COL23A1: variants seen among roughly 807,000 people sequenced by gnomAD.
COL23A1 encodes the protein collagen type XXIII alpha 1 chain, also known as collagen alpha-1(XXIII) chain.
Under a neutral mutation model 99.3 loss-of-function variants are expected in COL23A1, and 97 were observed. The ratio of observed to expected loss-of-function variants is 0.98; its 90% CI spans 0.83 to 1.16. The LOEUF (loss-of-function observed/expected upper bound fraction) is 1.16. Among genes scored for constraint, COL23A1 ranks in the 50% most tolerant of loss-of-function variants. The pLI is 0.00. For synonymous variants in COL23A1, 320 were observed against 308.2 expected (o/e 1.04, Z -0.40); for missense variants, 762 against 757.4 (o/e 1.01, Z -0.07).
intron 2 of COL23A1, among the ~76,000 whole-genome samples, chr5:178,411,745 C>T (rs1437346508): frequency 6.6e-6 from 1 of 152,208 alleles, no homozygotes; most frequent in Non-Finnish European, 1.5e-5. Flanking sequence ...TTATTAAATG[C>T]TACTGAGTTG....
At chr5:178,416,191 T>G (rs533096085) in intron 2 of COL23A1, among the ~76,000 whole-genome samples, 6 of 152,126 alleles carry the variant, frequency 3.9e-5, no homozygotes, top group Non-Finnish European at 7.4e-5. Flanking sequence ...CAGGTTGTTG[T>G]ACATCTGGAT....
intron 2 of COL23A1, among the ~76,000 whole-genome samples, chr5:178,448,593 C>T (rs943392516): frequency 2.6e-5 from 4 of 152,292 alleles, no homozygotes; most frequent in African/African-American, 7.2e-5. Flanking sequence ...ATAAGCTGGT[C>T]GAAGGCATTA....
intron 2 of COL23A1, among the ~76,000 whole-genome samples, chr5:178,543,689 C>T (rs1003128583): frequency 3.3e-5 from 5 of 152,158 alleles, no homozygotes; most frequent in African/African-American, 9.7e-5. Context: ...TCCTCCATCA[C>T]CTCCACCTTC....
intron 2 of COL23A1, among the ~76,000 whole-genome samples, chr5:178,548,475 C>T (rs1327855928): frequency 6.6e-6 from 1 of 152,098 alleles, no homozygotes; most frequent in Non-Finnish European, 1.5e-5. Context: ...TTCCCTCTCC[C>T]TTGCTCCCCC....
intron 22 of COL23A1, 146 bp downstream of exon 22, chr5:178,247,379 TG>T: frequency 1.2e-6 from 1 of 842,968 alleles, no homozygotes; most frequent in Non-Finnish European, 1.9e-6. Flanking sequence ...GGTTATGCCC[TG>T]GGGACTTGGG....
At chr5:178,357,150 A>C (rs1761702700) in intron 2 of COL23A1, among the ~76,000 whole-genome samples, 1 of 152,236 alleles carries the variant, frequency 6.6e-6, no homozygotes, top group Non-Finnish European at 1.5e-5. Context: ...AATTGCATTA[A>C]GCACGGGTTC....
At chr5:178,558,118 AG>A (rs1019985124) in intron 2 of COL23A1, among the ~76,000 whole-genome samples, 1 of 151,390 alleles carries the variant, frequency 6.6e-6, no homozygotes, top group African/African-American at 2.4e-5. Context: ...CCAGCCCTTC[AG>A]TCCCCCATGG....
At position 178,434,601 on chromosome 5, in the gene COL23A1, C is replaced by T. The variant is rs573616175; in HGVS notation, c.361+126081G>A. ...CGCTCTTCCTGGGACCCCAGCTGGGCGCCTGGCCTTGCATCCCAGGTGGGT... is the reference window on the plus strand; with the variant it reads ...CGCTCTTCCTGGGACCCCAGCTGGGTGCCTGGCCTTGCATCCCAGGTGGGT... On this transcript the variant is annotated intron_variant, in intron 2 of 28. Transcript: ENST00000390654. This position sits in a 1 kb window ranked among gnomAD's most constrained non-coding sequence, Gnocchi z 4.3. Among the ~76,000 whole-genome samples the T allele has an allele frequency of 3.9e-4, 59 of 152,346 alleles. No individual in the cohort carries two copies. In the Middle Eastern group the frequency reaches 0.01, roughly 26 times the overall value.
At chr5:178,533,969 G>A (rs1760795089) in intron 2 of COL23A1, among the ~76,000 whole-genome samples, 1 of 152,210 alleles carries the variant, frequency 6.6e-6, no homozygotes, top group Non-Finnish European at 1.5e-5. Context: ...GTTTGGTCCA[G>A]TATCAGCAAA....
At chr5:178,278,923 C>T (rs558256120) in intron 5 of COL23A1, among the ~76,000 whole-genome samples, 1 of 152,320 alleles carries the variant, frequency 6.6e-6, no homozygotes, top group South Asian at 2.1e-4. Context: ...GTAAATGAAG[C>T]CAGGGAACAG....
intron 6 of COL23A1, 107 bp downstream of exon 6, chr5:178,270,230 G>C: frequency 7.4e-7 from 1 of 1,353,176 alleles, no homozygotes; most frequent in Admixed American, 1.8e-5. Context: ...TCTCTGTGCT[G>C]AACCAAGTTC....
intron 1 of COL23A1, among the ~76,000 whole-genome samples, chr5:178,567,382 G>T (rs1762887759): frequency 6.6e-6 from 1 of 152,184 alleles, no homozygotes; most frequent in Non-Finnish European, 1.5e-5. Flanking sequence ...GTCTTACAGT[G>T]CCCGAAAGTA....
intron 2 of COL23A1, among the ~76,000 whole-genome samples, chr5:178,486,662 C>G (rs1236834018): frequency 6.6e-6 from 1 of 151,992 alleles, no homozygotes. Flanking sequence ...CAGGGAGAGC[C>G]GGGTGAAAAA....
At chr5:178,531,786 C>G (rs1760665176) in intron 2 of COL23A1, among the ~76,000 whole-genome samples, 1 of 152,202 alleles carries the variant, frequency 6.6e-6, no homozygotes, top group African/African-American at 2.4e-5. Context: ...GCTGCCCTTG[C>G]TGCGAGCGAG....
intron 1 of COL23A1, among the ~76,000 whole-genome samples, chr5:178,564,198 A>G (rs1381042247): frequency 1.3e-5 from 2 of 152,116 alleles, no homozygotes; most frequent in Non-Finnish European, 2.9e-5. Flanking sequence ...TAGCGGCGGG[A>G]TCACAGGTTA....
At chr5:178,265,666 G>A (rs894930103) in intron 8 of COL23A1, 74 of 985,744 alleles carry the variant, frequency 7.5e-5, no homozygotes, top group Non-Finnish European at 8.4e-5. Flanking sequence ...TTGAGGATCC[G>A]GCGATTGTAC....
At chr5:178,373,200 C>T (rs1762892924) in intron 2 of COL23A1, among the ~76,000 whole-genome samples, 2 of 152,150 alleles carry the variant, frequency 1.3e-5, no homozygotes, top group Admixed American at 6.5e-5. Flanking sequence ...GGCCTTGTGC[C>T]CTTGGACCCC....
intron 2 of COL23A1, among the ~76,000 whole-genome samples, chr5:178,476,198 T>C (rs1757017568): frequency 6.6e-6 from 1 of 152,144 alleles, no homozygotes; most frequent in African/African-American, 2.4e-5. Flanking sequence ...ATAATAGGCG[T>C]CATAATAGGA....
At chr5:178,346,897 C>A (rs536202341) in intron 2 of COL23A1, among the ~76,000 whole-genome samples, 8 of 152,206 alleles carry the variant, frequency 5.3e-5, no homozygotes, top group Non-Finnish European at 1.2e-4. Context: ...TCCCAGCGAC[C>A]CAGCCTTGGG....
Sources: allele counts gnomAD v4.1 joint callset (sites outside exome capture counted in the v4.1 genomes callset), GRCh38; gene constraint gnomAD v4.1.1; non-coding constraint Gnocchi (gnomAD v3.1); transcripts MANE v1.5; gene names NCBI Gene and HGNC (gene_info 2026-07-23, HGNC 2026-07-21).